Variants in NELL1 observed in about 807,000 individuals in gnomAD.
NELL1 encodes the protein protein kinase C-binding protein NELL1.
A neutral mutation model predicts 107.4 loss-of-function variants in NELL1; 76 were observed. The ratio of observed to expected loss-of-function variants is 0.71; its 90% CI spans 0.59 to 0.86. The LOEUF (loss-of-function observed/expected upper bound fraction) is 0.86, where lower values mean the gene tolerates loss of function less well. NELL1 is among the 40% of genes least tolerant of loss of function. NELL1 has a pLI of 0.00. For synonymous variants in NELL1, 353 were observed against 341.2 expected, an observed-to-expected ratio of 1.03 and a Z score of -0.38; for missense variants, 1,024 against 1,005.5, an observed-to-expected ratio of 1.02 and a Z score of -0.25.
intron 14 of NELL1, among the ~76,000 whole-genome samples, chr11:21,329,565 A>T (rs2133682877): frequency 6.6e-6 from 1 of 152,306 alleles, no homozygotes; most frequent in South Asian, 2.1e-4. Flanking sequence ...AGCAACTAGA[A>T]TCTACTCACT....
intron 15 of NELL1, among the ~76,000 whole-genome samples, chr11:21,381,769 C>T (rs1321971281): frequency 6.6e-6 from 1 of 151,836 alleles, no homozygotes; most frequent in African/African-American, 2.4e-5. Flanking sequence ...TCTGTTCCCA[C>T]AAACATTTTA....
At chr11:21,007,165 G>A (rs1291935290) in intron 12 of NELL1, among the ~76,000 whole-genome samples, 2 of 152,066 alleles carry the variant, frequency 1.3e-5, no homozygotes, top group Non-Finnish European at 2.9e-5. Context: ...ACAAGAGAAA[G>A]CAGTCAACTG....
At chr11:21,240,431 G>A (rs1163839908) in intron 14 of NELL1, among the ~76,000 whole-genome samples, 1 of 151,996 alleles carries the variant, frequency 6.6e-6, no homozygotes, top group Admixed American at 6.6e-5. Flanking sequence ...AGAGAAGGAA[G>A]AGTATTTAGG....
intron 12 of NELL1, among the ~76,000 whole-genome samples, chr11:21,086,428 G>A (rs530104792): frequency 8.5e-5 from 13 of 152,214 alleles, no homozygotes; most frequent in South Asian, 2.1e-4. Flanking sequence ...TTATCTTTAC[G>A]TGTGGGGTAG....
At chr11:20,936,016 C>G (rs1850717468) in intron 9 of NELL1, among the ~76,000 whole-genome samples, 1 of 152,180 alleles carries the variant, frequency 6.6e-6, no homozygotes, top group East Asian at 1.9e-4. Context: ...GGGAAACAGA[C>G]TTTGACATAG....
At chr11:21,458,727 C>T (rs1853815849) in intron 15 of NELL1, among the ~76,000 whole-genome samples, 1 of 152,002 alleles carries the variant, frequency 6.6e-6, no homozygotes, top group African/African-American at 2.4e-5. Context: ...ATGCCTCAGC[C>T]TTGACTTAAG....
At chr11:20,823,665 T>C (rs1310388575) in intron 3 of NELL1, among the ~76,000 whole-genome samples, 1 of 151,194 alleles carries the variant, frequency 6.6e-6, no homozygotes, top group East Asian at 1.9e-4. Flanking sequence ...GAATGTCAGT[T>C]TTAAATAAGT....
intron 15 of NELL1, among the ~76,000 whole-genome samples, chr11:21,513,123 G>C (rs151088947): frequency 2.0e-3 from 305 of 152,240 alleles, no homozygotes; most frequent in African/African-American, 7.1e-3. Context: ...GCACAGAAGA[G>C]GTACTTGTCA....
intron 15 of NELL1, among the ~76,000 whole-genome samples, chr11:21,484,147 A>G (rs1226023163): frequency 6.7e-6 from 1 of 150,094 alleles, no homozygotes; most frequent in Non-Finnish European, 1.5e-5. Context: ...ATTTTTTTGT[A>G]TAAATTTCCA....
At chr11:21,412,252 C>T (rs1224873375) in intron 15 of NELL1, among the ~76,000 whole-genome samples, 3 of 151,914 alleles carry the variant, frequency 2.0e-5, no homozygotes, top group African/African-American at 4.8e-5. Flanking sequence ...CTGTTTTTAA[C>T]TCAGTCTGGA....
chr11:20,776,548 GA>G (rs757241536), intron 2 of NELL1, among the ~76,000 whole-genome samples: 3 of 152,070 alleles, frequency 2.0e-5, no homozygotes, highest in Non-Finnish European at 4.4e-5. Context: ...TGACAATTGT[GA>G]TAAGTACAAT....
rs190574163 is a variant in NELL1 at position 20,738,041 on chromosome 11, C to T, written c.185-45639C>T. ...ATTGGTATAGTATTCGTTAAGTAAA[C>T]GAAGTAGTGAAAAACACCCAGAATC... On this transcript the variant is annotated intron_variant, in intron 2 of 19. Transcript: ENST00000357134. Among the ~76,000 whole-genome samples, 15 of 109,502 alleles carry T rather than the reference C, an allele frequency of 1.4e-4. No homozygotes were observed. In the East Asian group the frequency reaches 3.5e-3, roughly 26 times the overall value. The allele number at this position is 109,502 out of a possible 152,430, so 71.8% of individuals were successfully genotyped here.
chr11:20,690,108 C>A (rs1329133806), intron 2 of NELL1, among the ~76,000 whole-genome samples: 19 of 152,194 alleles, frequency 1.2e-4, no homozygotes, highest in South Asian at 4.2e-4. Context: ...CTGTTCATAT[C>A]CTTTGCCCAC....
At chr11:20,690,564 C>G (rs12795049) in intron 2 of NELL1, among the ~76,000 whole-genome samples, 39,824 of 130,452 alleles carry the variant, frequency 0.31, 7,035 homozygotes, top group African/African-American at 0.43. Context: ...GCTTGTTTTT[C>G]TCAGGTTTGT....
chr11:21,189,845 A>G (rs1016627103), intron 13 of NELL1, among the ~76,000 whole-genome samples: 2 of 151,836 alleles, frequency 1.3e-5, no homozygotes, highest in African/African-American at 4.9e-5. Context: ...AAATGTAAGA[A>G]AAAAGATATT....
intron 12 of NELL1, among the ~76,000 whole-genome samples, chr11:21,037,258 C>A (rs1007446687): frequency 1.3e-5 from 2 of 152,052 alleles, no homozygotes; most frequent in African/African-American, 2.4e-5. Flanking sequence ...TGTGAATTTA[C>A]CCACCTTACT....
In NELL1 at chr11:21,519,353, G is replaced by C. The variant is rs565345235; in HGVS notation, c.1646-15021G>C. Among the ~76,000 whole-genome samples, 7 of 152,192 alleles carry C rather than the reference G, an allele frequency of 4.6e-5. No homozygotes were observed. In the South Asian group the frequency reaches 1.5e-3, roughly 32 times the overall value. ...TACAGACTACTGGGTTCTACCCCCA[G>C]AATTTCTAATTTAGTATGTTGTGTG... On this transcript the variant is annotated intron_variant, in intron 15 of 19. Transcript: ENST00000357134.
intron 3 of NELL1, among the ~76,000 whole-genome samples, chr11:20,839,297 A>G (rs1376673261): frequency 6.6e-6 from 1 of 152,208 alleles, no homozygotes; most frequent in East Asian, 1.9e-4. Flanking sequence ...TTCAATAACA[A>G]AGGCAGTTTG....
At chr11:20,955,122 G>C (rs1025824275) in intron 11 of NELL1, among the ~76,000 whole-genome samples, 1 of 152,206 alleles carries the variant, frequency 6.6e-6, no homozygotes, top group Non-Finnish European at 1.5e-5. Flanking sequence ...GACACGTGAT[G>C]CCTAAAAGTA....
Sources: allele counts gnomAD v4.1 joint callset (sites outside exome capture counted in the v4.1 genomes callset), GRCh38; gene constraint gnomAD v4.1.1; transcripts MANE v1.5; gene names NCBI Gene and HGNC (gene_info 2026-07-23, HGNC 2026-07-21).